Variants in CAPG observed in about 807,000 individuals in gnomAD.
CAPG encodes the protein capping actin protein, gelsolin like.
CAPG carries 32 observed loss-of-function variants against 44.6 expected under a neutral mutation model. The observed-to-expected ratio is 0.72, with a 90% CI of 0.54 to 0.96. CAPG has a LOEUF of 0.96. Ranked by LOEUF, CAPG falls within the 50% of genes least tolerant of loss-of-function variation. The pLI is 0.00. For missense variants in CAPG, 412 were observed against 438.3 expected, an observed-to-expected ratio of 0.94 and a Z score of 0.54; for synonymous variants, 175 against 179.6, an observed-to-expected ratio of 0.97 and a Z score of 0.20.
chr2:85,401,982 G>A, intron 2 of CAPG, 25 bp from the exon 3 acceptor site: 1 of 1,613,928 alleles, frequency 6.2e-7, no homozygotes, highest in South Asian at 1.1e-5. Context: ...AGGGTTGACA[G>A]CAGCCTGGAC....
rs556166910 is a variant in CAPG at position 85,406,130 on chromosome 2, C to T, written c.-13-3972G>A. On this transcript the variant is annotated intron_variant, in intron 1 of 9. Transcript: ENST00000263867. Reference sequence around the variant, plus strand: ...CAGCCTGGCCAACATGGTGAAACCCCGTCTCTACTAAAAGCACAAAAATTA... The same window carrying T: ...CAGCCTGGCCAACATGGTGAAACCCTGTCTCTACTAAAAGCACAAAAATTA... Among the ~76,000 whole-genome samples the T allele has an allele frequency of 3.3e-5, 5 of 151,666 alleles. No individual in the cohort carries two copies. In the South Asian group the frequency reaches 8.3e-4, roughly 25 times the overall value.
At chr2:85,392,389 CAAAAAAA>C (rs780926003), downstream of CAPG, among the ~76,000 whole-genome samples, 1 of 100,138 alleles carries the variant, frequency 1.0e-5, no homozygotes, top group African/African-American at 4.0e-5. Flanking sequence ...GACTCCGTCT[CAAAAAAA>C]AAAAAAAAAA....
chr2:85,413,851 G>C (rs1048932308), upstream of CAPG: 4 of 152,262 alleles, frequency 2.6e-5, no homozygotes, highest in African/African-American at 9.6e-5. Context: ...AGGAGACGGC[G>C]CGCCCCTAAG....
intron 1 of CAPG, among the ~76,000 whole-genome samples, chr2:85,409,524 C>T (rs1000526352): frequency 1.3e-5 from 2 of 152,178 alleles, no homozygotes; most frequent in East Asian, 3.9e-4. Flanking sequence ...CCCAATAGGT[C>T]TCTTCCCTTC....
At chr2:85,394,406 A>ATATG (rs1451985315), downstream of CAPG, among the ~76,000 whole-genome samples, 1 of 152,250 alleles carries the variant, frequency 6.6e-6, no homozygotes, top group Admixed American at 6.5e-5. Context: ...CTCAGTGGGC[A>ATATG]TATGTCACTT....
intron 1 of CAPG, among the ~76,000 whole-genome samples, chr2:85,417,419 A>G (rs954997450): frequency 3.3e-5 from 5 of 151,172 alleles, no homozygotes; most frequent in African/African-American, 7.3e-5. Context: ...CCTCCCCACT[A>G]TCACCGCATG....
chr2:85,401,392 C>A (rs750621007), intron 4 of CAPG, 63 bp from the exon 5 acceptor site: 79 of 1,584,120 alleles, frequency 5.0e-5, no homozygotes, highest in Admixed American at 1.7e-4. Context: ...TGCACCCCAT[C>A]CCACTGGAAG....
chr2:85,416,271 A>G (rs1330662689), intron 1 of CAPG, among the ~76,000 whole-genome samples: 3 of 152,110 alleles, frequency 2.0e-5, no homozygotes, highest in Non-Finnish European at 4.4e-5. Flanking sequence ...CTGAAATTGC[A>G]AAAGATTCTT....
At chr2:85,416,623 C>T (rs1188655428) in intron 1 of CAPG, among the ~76,000 whole-genome samples, 2 of 152,362 alleles carry the variant, frequency 1.3e-5, no homozygotes, top group East Asian at 3.9e-4. Flanking sequence ...AGTGATTCTC[C>T]TGCCTCAGCC....
chr2:85,396,313 G>A (rs1686594122), intron 8 of CAPG, among the ~76,000 whole-genome samples: 1 of 151,936 alleles, frequency 6.6e-6, no homozygotes, highest in Admixed American at 6.6e-5. Flanking sequence ...AGCCTCTCGT[G>A]TAGCTGGGAC....
chr2:85,396,209 G>A (rs1418920418), intron 8 of CAPG, among the ~76,000 whole-genome samples: 3 of 151,962 alleles, frequency 2.0e-5, no homozygotes, highest in African/African-American at 7.3e-5. Context: ...TTTCTGAGAC[G>A]CAGTCTCGTT....
At position 85,401,804 on chromosome 2, in the gene CAPG, G is replaced by C; in HGVS notation, c.177C>G (p.Ser59=). Reference sequence around the variant, plus strand: ...CCTTACCTATCCACAGGTGCAGATGGGAAACCTCTTCTGGGCCATTGTGCA... The same window carrying C: ...CCTTACCTATCCACAGGTGCAGATGCGAAACCTCTTCTGGGCCATTGTGCA... ...LVLHNGPEEV[S]HLHLWIGQQS... Residue 59 remains serine (S), a synonymous_variant, in exon 3 of 10, where the codon TCC becomes TCG. Transcript: ENST00000263867. 1.2e-6 allele frequency: 2 copies of C among 1,614,106 alleles called. No individual in the cohort carries two copies. The highest frequency in any genetic ancestry group is 1.7e-6 in the Non-Finnish European group (2 of 1,180,008).
At chr2:85,393,468 A>C (rs934949196), downstream of CAPG, among the ~76,000 whole-genome samples, 1 of 152,168 alleles carries the variant, frequency 6.6e-6, no homozygotes, top group Non-Finnish European at 1.5e-5. Context: ...CTCCCCTTTA[A>C]AAAACCATCC....
chr2:85,413,536 C>G (rs1687477632), upstream of CAPG, among the ~76,000 whole-genome samples: 1 of 152,124 alleles, frequency 6.6e-6, no homozygotes, highest in Admixed American at 6.5e-5. Context: ...GCCGAGATCT[C>G]GCCACTGCAC....
chr2:85,398,870 G>A (rs1444066421), intron 6 of CAPG, 88 bp from the exon 7 acceptor site: 5 of 1,089,960 alleles, frequency 4.6e-6, no homozygotes, highest in East Asian at 2.6e-5. Context: ...GCTTCTGGTG[G>A]GGCAAACTGC....
chr2:85,400,090 T>C (rs955253325), intron 5 of CAPG, among the ~76,000 whole-genome samples: 4 of 152,182 alleles, frequency 2.6e-5, no homozygotes, highest in African/African-American at 7.2e-5. Flanking sequence ...AAACGTCTCT[T>C]AACCACCTAT....
At chr2:85,414,315 C>T (rs1424241321), upstream of CAPG, among the ~76,000 whole-genome samples, 1 of 152,186 alleles carries the variant, frequency 6.6e-6, no homozygotes, top group African/African-American at 2.4e-5. Context: ...GTGCTTGGTG[C>T]GTCCTCACAT....
At chr2:85,419,468 C>T (rs762532724), upstream of CAPG, among the ~76,000 whole-genome samples, 2 of 152,210 alleles carry the variant, frequency 1.3e-5, no homozygotes, top group African/African-American at 2.4e-5. Flanking sequence ...ATGAGCTGTG[C>T]TGAGGCCCTA....
In CAPG at chr2:85,398,038, T is replaced by C; in HGVS notation, c.874A>G (p.Lys292Glu). The C allele has an allele frequency of 6.2e-7, 1 of 1,614,082 alleles. No homozygotes were observed. Among genetic ancestry groups the C allele is most frequent in the South Asian group, 1.1e-5 (1 of 91,078 alleles). ...CFVLDNGLCGKIYIWKGRKAN... is the reference protein window; with the variant it reads ...CFVLDNGLCGEIYIWKGRKAN... The stretch of plus-strand genomic sequence containing the variant: ...CACGTACCCTTCCAGATATAGATCT[T>C]GCCACAGAGCCCGTTGTCCAGCACA... Residue 292 changes from lysine to glutamate, a missense_variant, in exon 8 of 10, where the codon AAG becomes GAG. Physicochemically the swap from Lys to Glu is moderately conservative, Grantham distance 56. Transcript: ENST00000263867.
Sources: allele counts gnomAD v4.1 joint callset (sites outside exome capture counted in the v4.1 genomes callset), GRCh38; gene constraint gnomAD v4.1.1; transcripts MANE v1.5; gene names NCBI Gene and HGNC (gene_info 2026-07-23, HGNC 2026-07-21).